Variants in ABI3BP observed in about 807,000 individuals in gnomAD.
ABI3BP encodes ABI family member 3 binding protein.
A neutral mutation model predicts 268.6 loss-of-function variants in ABI3BP; 216 were observed. That is an observed-to-expected ratio of 0.80 (90% CI 0.72 to 0.90). ABI3BP has a LOEUF of 0.90. Among genes scored for constraint, ABI3BP ranks in the 40% least tolerant of loss-of-function variants. ABI3BP has a pLI of 0.00. For synonymous variants in ABI3BP, 730 were observed against 730.0 expected, an observed-to-expected ratio of 1.00 and a Z score of 0.00; for missense variants, 2,090 against 2,182.4, an observed-to-expected ratio of 0.96 and a Z score of 0.84.
chr3:100,792,613 C>T, intron 55 of ABI3BP, 78 bp downstream of exon 55: 1 of 1,431,736 alleles, frequency 7.0e-7, no homozygotes, highest in Non-Finnish European at 9.8e-7. Context: ...TGAGAAATGA[C>T]ATTCTGAAAG....
intron 4 of ABI3BP, among the ~76,000 whole-genome samples, chr3:100,889,212 A>G (rs186125890): frequency 3.9e-5 from 6 of 152,248 alleles, no homozygotes; most frequent in Non-Finnish European, 8.8e-5. Flanking sequence ...TATTCCATTT[A>G]ATCCATACAA....
At chr3:100,850,511 A>G in intron 16 of ABI3BP, 149 bp downstream of exon 16, 1 of 614,912 alleles carries the variant, frequency 1.6e-6, no homozygotes, top group South Asian at 2.4e-5. Context: ...AGATGACTGC[A>G]TTTAAAATAT....
At chr3:100,824,787 T>G in intron 36 of ABI3BP, 71 bp downstream of exon 36, 1 of 1,309,132 alleles carries the variant, frequency 7.6e-7, no homozygotes, top group Non-Finnish European at 1.1e-6. Context: ...TGCTCAGCAT[T>G]GACACTGCTT....
At chr3:100,921,003 C>T (rs892502582) in intron 2 of ABI3BP, among the ~76,000 whole-genome samples, 4 of 152,100 alleles carry the variant, frequency 2.6e-5, no homozygotes, top group African/African-American at 9.7e-5. Flanking sequence ...AGAGCATTTC[C>T]AGTGCATTGG....
At chr3:100,960,366 TTAAAA>T in intron 1 of ABI3BP, among the ~76,000 whole-genome samples, 1 of 152,268 alleles carries the variant, frequency 6.6e-6, no homozygotes, top group Non-Finnish European at 1.5e-5. Context: ...AAATAATTTC[TTAAAA>T]TAAATGAACA....
At chr3:100,751,742 A>G in intron 66 of ABI3BP, 68 bp from the exon 67 acceptor site, 1 of 1,437,158 alleles carries the variant, frequency 7.0e-7, no homozygotes, top group East Asian at 2.5e-5. Flanking sequence ...TTTTGAAATC[A>G]TCATTACTGT....
intron 22 of ABI3BP, 41 bp from the exon 23 acceptor site, chr3:100,840,205 AT>A: frequency 7.2e-7 from 1 of 1,390,330 alleles, no homozygotes; most frequent in Non-Finnish European, 9.7e-7. Context: ...AGAAGGGTGG[AT>A]TTACAAACTG....
At chr3:100,863,919 C>CCAATTTA in intron 12 of ABI3BP, 83 bp downstream of exon 12, 1 of 1,016,938 alleles carries the variant, frequency 9.8e-7, no homozygotes, top group South Asian at 1.4e-5. Context: ...TATAAATTAG[C>CCAATTTA]GTAATTAATT....
At chr3:100,960,773 G>A (rs1046733900) in intron 1 of ABI3BP, among the ~76,000 whole-genome samples, 5 of 152,176 alleles carry the variant, frequency 3.3e-5, no homozygotes, top group African/African-American at 1.2e-4. Context: ...ATGACTTCCA[G>A]CCAATAGTCA....
chr3:100,893,319 G>A lies in ABI3BP; in HGVS notation c.461+5443C>T, dbSNP rs1022972604. 8.5e-5 allele frequency among the ~76,000 whole-genome samples: 13 copies of A among 152,134 alleles called. 1 individual carries two copies. The highest frequency in any genetic ancestry group is 6.2e-4 in the South Asian group (3 of 4,812). On this transcript the variant is annotated intron_variant, in intron 4 of 67. Transcript: ENST00000471714. ...GACTGGCTTCCTTGTTCCTCAGCTT[G>A]CAGACGGCCTGTTATGAAACCTCAA... is the stretch of plus-strand genomic sequence containing the variant.
At chr3:100,826,828 G>A (rs2098395382) in intron 34 of ABI3BP, among the ~76,000 whole-genome samples, 1 of 152,062 alleles carries the variant, frequency 6.6e-6, no homozygotes, top group South Asian at 2.1e-4. Context: ...ATCTAGTGTG[G>A]AAGAAAGACT....
chr3:100,839,801 ACAT>A (rs1243536060), intron 23 of ABI3BP, among the ~76,000 whole-genome samples, 185 bp from the exon 24 acceptor site: 4 of 152,162 alleles, frequency 2.6e-5, no homozygotes, highest in Non-Finnish European at 5.9e-5. Context: ...CCATGAATGT[ACAT>A]CATAAGATTT....
chr3:100,993,370 C>T lies in ABI3BP; in HGVS notation c.15G>A (p.Leu5=), dbSNP rs368893292. 1.3e-6 allele frequency: 2 copies of T among 1,552,992 alleles called. No homozygotes were observed. Among genetic ancestry groups the T allele is most frequent in the Admixed American group, 1.9e-5 (1 of 51,364 alleles). Residue 5 remains leucine (L), a synonymous_variant, in exon 1 of 68, where the codon TTG becomes TTA. Transcript: ENST00000471714. The stretch of plus-strand genomic sequence containing the variant: ...TACTTCCACAGAGAAGTAGACACCC[C>T]AAACTGGAGAGCATGTTGCATTTGC... MLSS[L]GCLLLCGSIT...
chr3:100,795,922 T>G (rs894811125), intron 52 of ABI3BP, 71 bp from the exon 53 acceptor site: 1 of 1,072,584 alleles, frequency 9.3e-7, no homozygotes, highest in Non-Finnish European at 1.2e-6. Context: ...ATAGTTTCCT[T>G]ATTTTTTAGA....
At chr3:100,967,203 A>G (rs1233592914) in intron 1 of ABI3BP, among the ~76,000 whole-genome samples, 3 of 152,094 alleles carry the variant, frequency 2.0e-5, no homozygotes, top group Non-Finnish European at 4.4e-5. Flanking sequence ...ATTTTGTTAA[A>G]TCAAATATTA....
intron 49 of ABI3BP, 46 bp from the exon 50 acceptor site, chr3:100,808,281 T>TA (rs750430866): frequency 6.3e-6 from 9 of 1,437,910 alleles, no homozygotes; most frequent in Middle Eastern, 1.8e-4. Flanking sequence ...CCTTCAAGAA[T>TA]GACAGTACCT....
intron 34 of ABI3BP, among the ~76,000 whole-genome samples, chr3:100,826,316 T>G (rs2098383608): frequency 6.6e-6 from 1 of 152,196 alleles, no homozygotes. Context: ...TATACTGCTT[T>G]GTAATGGCAG....
rs139872699 is a variant in ABI3BP, at chr3:100,928,527, G to T, written c.80-2046C>A. ...CCTTTCTTGGATACCAAGTTGTGGG[G>T]ATTATTCATACCTCAGCAGCTAAGG... is the stretch of plus-strand genomic sequence containing the variant. On this transcript the variant is annotated intron_variant, in intron 1 of 67. Coordinates refer to ENST00000471714, the MANE Select transcript of ABI3BP (RefSeq NM_001375547.2). Among the ~76,000 whole-genome samples the T allele has an allele frequency of 2.6e-5, 4 of 152,172 alleles. No individual in the cohort carries two copies. In the South Asian group the frequency reaches 8.3e-4, roughly 32 times the overall value.
intron 50 of ABI3BP, among the ~76,000 whole-genome samples, chr3:100,806,443 G>GTACA (rs1453973584): frequency 2.0e-5 from 3 of 152,032 alleles, no homozygotes; most frequent in Admixed American, 1.3e-4. Flanking sequence ...ATATATATGT[G>GTACA]TACATATACA....
Sources: allele counts gnomAD v4.1 joint callset (sites outside exome capture counted in the v4.1 genomes callset), GRCh38; gene constraint gnomAD v4.1.1; transcripts MANE v1.5; gene names NCBI Gene and HGNC (gene_info 2026-07-23, HGNC 2026-07-21).